The following AGBL1 variants were observed in gnomAD, a reference collection of about 807,000 sequenced individuals.
The protein encoded by AGBL1 is cytosolic carboxypeptidase 4.
Under a neutral mutation model 118.9 loss-of-function variants are expected in AGBL1, and 130 were observed. That is an observed-to-expected ratio of 1.09 (90% CI 0.95 to 1.26). AGBL1 has a LOEUF of 1.26. AGBL1 is among the 50% of genes most tolerant of loss of function. The pLI is 0.00. For missense variants in AGBL1, 1,584 were observed against 1,298.1 expected (o/e 1.22, Z -3.38); for synonymous variants, 555 against 478.9 (o/e 1.16, Z -2.08).
chr15:86,758,156 C>T (rs558541500), intron 22 of AGBL1, among the ~76,000 whole-genome samples: 3 of 152,200 alleles, frequency 2.0e-5, no homozygotes, highest in East Asian at 3.9e-4. Flanking sequence ...ACCATGTCCA[C>T]TCTCCTGTGC....
chr15:86,613,210 G>A lies in AGBL1; in HGVS notation c.2994+58673G>A, dbSNP rs1030512488. Among the ~76,000 whole-genome samples, 6 of 152,170 alleles carry A rather than the reference G, an allele frequency of 3.9e-5. No homozygotes were observed. The highest frequency in any genetic ancestry group is 1.4e-4 in the African/African-American group (6 of 41,444). On this transcript the variant is annotated intron_variant, in intron 21 of 22. Transcript: ENST00000614907. The surrounding 1 kb of genome is among the most constrained non-coding windows in gnomAD (Gnocchi z 4.2). Reference sequence around the variant, plus strand: ...CTTTTTGGTTTACAGGTACCTTAAAGAAGAAAACAAATTAAAGCAGGAATC... The same window carrying A: ...CTTTTTGGTTTACAGGTACCTTAAAAAAGAAAACAAATTAAAGCAGGAATC...
At chr15:86,927,140 A>AAAATAAAT (rs143358243) in intron 23 of AGBL1, among the ~76,000 whole-genome samples, 2 of 151,476 alleles carry the variant, frequency 1.3e-5, no homozygotes, top group African/African-American at 4.8e-5. Flanking sequence ...CTCCATCTTA[A>AAAATAAAT]AAATAAATAA....
intron 21 of AGBL1, among the ~76,000 whole-genome samples, chr15:86,612,347 G>C (rs1444963360): frequency 6.7e-6 from 1 of 149,794 alleles, no homozygotes; most frequent in Non-Finnish European, 1.5e-5. Context: ...AAAATTCTAA[G>C]CTCCTGAATA....
chr15:86,504,623 A>G (rs1287008497), intron 18 of AGBL1, among the ~76,000 whole-genome samples: 1 of 151,608 alleles, frequency 6.6e-6, no homozygotes, highest in Non-Finnish European at 1.5e-5. Flanking sequence ...ATATATAACA[A>G]TCTAGTCAGA....
intron 16 of AGBL1, among the ~76,000 whole-genome samples, chr15:86,282,919 G>A (rs2079378171): frequency 6.6e-6 from 1 of 152,110 alleles, no homozygotes; most frequent in African/African-American, 2.4e-5. Flanking sequence ...CTTGTATGTT[G>A]AATGTTTTTC....
rs184380645 is a variant in AGBL1, at chr15:86,570,835, C to A, written c.2994+16298C>A. ...TTTGCCCAAGTTTTGCTTGGGCCCTCTGGGCTTGTTCCGCTCACTCGACCT... is the reference window on the plus strand; with the variant it reads ...TTTGCCCAAGTTTTGCTTGGGCCCTATGGGCTTGTTCCGCTCACTCGACCT... On this transcript the variant is annotated intron_variant, in intron 21 of 22. Transcript: ENST00000614907. Among the ~76,000 whole-genome samples the A allele has an allele frequency of 1.6e-4, 25 of 152,276 alleles. No individual in the cohort carries two copies. The East Asian group carries it at 4.8e-3, about 29-fold the overall frequency.
intron 24 of AGBL1, among the ~76,000 whole-genome samples, chr15:87,025,826 C>G (rs761180407): frequency 5.3e-5 from 8 of 151,936 alleles, no homozygotes; most frequent in Middle Eastern, 3.2e-3. Context: ...ACTAATGGAA[C>G]AGAGTAGAGA....
At chr15:86,656,492 C>T (rs530465042) in intron 21 of AGBL1, among the ~76,000 whole-genome samples, 1 of 152,262 alleles carries the variant, frequency 6.6e-6, no homozygotes, top group South Asian at 2.1e-4. Context: ...TCTAATGACA[C>T]ATCACTCTTG....
chr15:86,283,889 G>C (rs1463721849), intron 16 of AGBL1, among the ~76,000 whole-genome samples: 2 of 152,088 alleles, frequency 1.3e-5, no homozygotes, highest in African/African-American at 4.8e-5. Context: ...GGTCAGACAG[G>C]CCTAGATTTT....
chr15:86,354,311 A>G (rs16976289), intron 17 of AGBL1, among the ~76,000 whole-genome samples: 114 of 152,320 alleles, frequency 7.5e-4, no homozygotes, highest in African/African-American at 2.7e-3. Context: ...AAGGCATTCG[A>G]TGGTTCATGG....
At chr15:86,917,788 GAGA>G (rs778522746), downstream of AGBL1, among the ~76,000 whole-genome samples, 2 of 125,766 alleles carry the variant, frequency 1.6e-5, no homozygotes, top group East Asian at 2.1e-4. This position sits in a 1 kb window ranked among gnomAD's most constrained non-coding sequence, Gnocchi z 4.8. Context: ...AGGAGAGAGA[GAGA>G]AGAGAGAGGA....
At chr15:86,227,095 C>G (rs1236855462) in intron 6 of AGBL1, among the ~76,000 whole-genome samples, 1 of 151,936 alleles carries the variant, frequency 6.6e-6, no homozygotes, top group East Asian at 1.9e-4. Flanking sequence ...TGATTTTTCC[C>G]ATGTGTAAAA....
chr15:86,960,793 A>G (rs1567260499), intron 23 of AGBL1, among the ~76,000 whole-genome samples: 1 of 152,090 alleles, frequency 6.6e-6, no homozygotes. Context: ...GAAAACATGG[A>G]TGAACCTGAA....
chr15:86,210,954 T>C (rs1218739406), intron 5 of AGBL1, among the ~76,000 whole-genome samples: 1 of 152,214 alleles, frequency 6.6e-6, no homozygotes, highest in Admixed American at 6.5e-5. Flanking sequence ...CTTTGTGGTT[T>C]TTTCTACCTT....
intron 5 of AGBL1, among the ~76,000 whole-genome samples, chr15:86,208,119 T>C (rs55730030): frequency 0.011 from 1,617 of 152,276 alleles, 27 homozygotes; most frequent in African/African-American, 0.038. Flanking sequence ...TGATGGATTA[T>C]GTTTATTGAT....
At chr15:86,884,667 C>G (rs1189742517) in intron 22 of AGBL1, among the ~76,000 whole-genome samples, 1 of 152,112 alleles carries the variant, frequency 6.6e-6, no homozygotes, top group African/African-American at 2.4e-5. Context: ...CCAAAATCAG[C>G]CAGATCTGGT....
At chr15:86,982,192 A>G (rs999312854) in intron 23 of AGBL1, among the ~76,000 whole-genome samples, 1 of 152,160 alleles carries the variant, frequency 6.6e-6, no homozygotes, top group Non-Finnish European at 1.5e-5. Flanking sequence ...ATATTTAATC[A>G]TATAGTTATA....
intron 17 of AGBL1, among the ~76,000 whole-genome samples, chr15:86,377,734 G>A (rs151315317): frequency 2.0e-5 from 3 of 152,266 alleles, no homozygotes; most frequent in Admixed American, 6.5e-5. Context: ...GGGCTGCCAT[G>A]CTCACTAGGT....
intron 24 of AGBL1, among the ~76,000 whole-genome samples, chr15:87,021,864 C>G (rs576277718): frequency 3.3e-5 from 5 of 152,046 alleles, no homozygotes; most frequent in Admixed American, 6.6e-5. Flanking sequence ...CTGAAAGGAC[C>G]CACAGACCCC....
Sources: allele counts gnomAD v4.1 joint callset (sites outside exome capture counted in the v4.1 genomes callset), GRCh38; gene constraint gnomAD v4.1.1; non-coding constraint Gnocchi (gnomAD v3.1); transcripts MANE v1.5; gene names NCBI Gene and HGNC (gene_info 2026-07-23, HGNC 2026-07-21).